Variants in PKNOX2 observed in about 807,000 individuals in gnomAD.
PKNOX2 encodes PBX/knotted 1 homeobox 2.
A neutral mutation model predicts 53.1 loss-of-function variants in PKNOX2; 14 were observed. That is an observed-to-expected ratio of 0.26 (90% CI 0.17 to 0.41). The LOEUF is 0.41. Ranked by LOEUF, PKNOX2 falls within the 10% of genes least tolerant of loss-of-function variation. PKNOX2 has a pLI of 1.00. For missense variants in PKNOX2, 496 were observed against 602.8 expected, an observed-to-expected ratio of 0.82 and a Z score of 1.85; for synonymous variants, 257 against 242.8, an observed-to-expected ratio of 1.06 and a Z score of -0.54.
At chr11:125,375,444 A>G (rs1952779116) in intron 5 of PKNOX2, among the ~76,000 whole-genome samples, 2 of 152,210 alleles carry the variant, frequency 1.3e-5, no homozygotes. Context: ...AACTGCTCAC[A>G]AGTAGTACAT....
intron 4 of PKNOX2, among the ~76,000 whole-genome samples, chr11:125,366,443 A>G (rs1305821755): frequency 6.6e-6 from 1 of 152,238 alleles, no homozygotes; most frequent in Non-Finnish European, 1.5e-5. Flanking sequence ...ACAAATATTT[A>G]TTGAACACCT....
chr11:125,339,921 A>G (rs567393555), intron 3 of PKNOX2, among the ~76,000 whole-genome samples: 1 of 152,274 alleles, frequency 6.6e-6, no homozygotes, highest in South Asian at 2.1e-4. Context: ...ACACAGTCCA[A>G]TGAGTCCACG....
chr11:125,309,040 C>G (rs1316646093), intron 2 of PKNOX2, among the ~76,000 whole-genome samples: 1 of 152,208 alleles, frequency 6.6e-6, no homozygotes, highest in Non-Finnish European at 1.5e-5. Context: ...ACACGCTCCT[C>G]CTGTGTGGTC....
At chr11:125,417,863 C>T (rs974559352) in intron 10 of PKNOX2, among the ~76,000 whole-genome samples, 5 of 152,020 alleles carry the variant, frequency 3.3e-5, no homozygotes, top group African/African-American at 1.2e-4. Flanking sequence ...CTCTGCCATC[C>T]ACCACCCCAT....
intron 2 of PKNOX2, among the ~76,000 whole-genome samples, chr11:125,276,577 G>T (rs970156146): frequency 6.6e-6 from 1 of 152,178 alleles, no homozygotes; most frequent in Middle Eastern, 3.2e-3. Context: ...ACACAATAAA[G>T]GGCTTGTTGA....
chr11:125,238,662 T>C (rs929489211), intron 2 of PKNOX2, among the ~76,000 whole-genome samples: 2 of 152,326 alleles, frequency 1.3e-5, no homozygotes, highest in African/African-American at 4.8e-5. Context: ...GGGAACTTGC[T>C]TAGTTATATC....
chr11:125,176,874 C>T (rs1565461890), intron 1 of PKNOX2, among the ~76,000 whole-genome samples: 1 of 152,210 alleles, frequency 6.6e-6, no homozygotes, highest in Admixed American at 6.5e-5. Flanking sequence ...TTCCCACATC[C>T]CCTGTCCCCC....
Position 125,166,482 on chromosome 11 carries a change from A to G in PKNOX2, c.-201+1706A>G, listed in dbSNP as rs1358799710. ...GACCTTCTGGGCGAAGCGGCAGGGC[A>G]GCCTCGCGGGGCTGGGAGTGGATCT... On this transcript the variant is annotated intron_variant, in intron 1 of 12. Coordinates refer to ENST00000298282, the MANE Select transcript of PKNOX2 (RefSeq NM_001382323.2). The surrounding 1 kb of genome is among the most constrained non-coding windows in gnomAD (Gnocchi z 4.0). 2.6e-5 allele frequency among the ~76,000 whole-genome samples: 4 copies of G among 152,196 alleles called. No individual in the cohort carries two copies. Among genetic ancestry groups the G allele is most frequent in the Admixed American group, 6.5e-5 (1 of 15,288 alleles).
intron 2 of PKNOX2, among the ~76,000 whole-genome samples, chr11:125,292,513 T>A (rs2135915751): frequency 6.6e-6 from 1 of 152,294 alleles, no homozygotes; most frequent in East Asian, 1.9e-4. Context: ...GGAATTAATG[T>A]TGATTCTGGG....
At chr11:125,213,190 G>T (rs376837839) in intron 1 of PKNOX2, among the ~76,000 whole-genome samples, 1 of 152,086 alleles carries the variant, frequency 6.6e-6, no homozygotes, top group South Asian at 2.1e-4. Flanking sequence ...GCGTCCCTTT[G>T]TGTCTAAGCC....
At position 125,398,042 on chromosome 11, in the gene PKNOX2, T is replaced by G. The variant is rs751784021; in HGVS notation, c.568T>G (p.Ser190Ala). 3 of 1,611,714 alleles carry G rather than the reference T, an allele frequency of 1.9e-6. No homozygotes were observed. Among genetic ancestry groups the G allele is most frequent in the African/African-American group, 2.7e-5 (2 of 74,846 alleles). Residue 190 changes from serine (S) to alanine (A), a missense_variant, in exon 7 of 13, where the codon TCC becomes GCC. Around this residue, in one of 5 missense-constraint regions of PKNOX2, gnomAD observed 141 missense variants for 143.9 expected, o/e 0.98. Coordinates refer to ENST00000298282, the MANE Select transcript of PKNOX2 (RefSeq NM_001382323.2). The stretch of plus-strand genomic sequence containing the variant: ...GGGGCCCTACTCCCCCAACCAGCCC[T>G]CCATCAACCTTCACTCACAGGTAAC... ...LGGPYSPNQP[S>A]INLHSQDLLQ...
chr11:125,203,651 G>A (rs1351546174), intron 1 of PKNOX2, among the ~76,000 whole-genome samples: 3 of 152,184 alleles, frequency 2.0e-5, no homozygotes, highest in African/African-American at 7.2e-5. Context: ...AAACCCAAAT[G>A]TGCTCTCTCT....
chr11:125,329,348 T>C lies in PKNOX2; in HGVS notation c.-129-2471T>C, dbSNP rs150820865. On this transcript the variant is annotated intron_variant, in intron 2 of 12. Coordinates refer to ENST00000298282, the MANE Select transcript of PKNOX2 (RefSeq NM_001382323.2). ...GCTACTAACTTAACATTTTTCCTCTTATTTGTCTATTTTTTACAAGAAGCA... is the reference window on the plus strand; with the variant it reads ...GCTACTAACTTAACATTTTTCCTCTCATTTGTCTATTTTTTACAAGAAGCA... 2.1e-3 allele frequency among the ~76,000 whole-genome samples: 317 copies of C among 152,330 alleles called. 2 individuals carry two copies. The highest frequency in any genetic ancestry group is 7.3e-3 in the African/African-American group (305 of 41,560).
intron 2 of PKNOX2, among the ~76,000 whole-genome samples, chr11:125,305,383 GACC>G (rs1948367875): frequency 6.6e-6 from 1 of 152,184 alleles, no homozygotes; most frequent in Non-Finnish European, 1.5e-5. Context: ...CTCTCAGCAA[GACC>G]ACAAGTGGCT....
At chr11:125,340,654 A>G (rs1950635433) in intron 3 of PKNOX2, among the ~76,000 whole-genome samples, 2 of 152,220 alleles carry the variant, frequency 1.3e-5, no homozygotes, top group South Asian at 4.1e-4. Context: ...TCTCACCCAC[A>G]TCCAAATTGG....
intron 2 of PKNOX2, among the ~76,000 whole-genome samples, chr11:125,305,476 C>G (rs1001321727): frequency 1.1e-4 from 17 of 152,180 alleles, no homozygotes; most frequent in African/African-American, 3.4e-4. Context: ...TCCAGCACCC[C>G]CTACCTGCCC....
intron 2 of PKNOX2, among the ~76,000 whole-genome samples, chr11:125,315,318 A>AAACAAAAAAAAAAAAAAC (rs1212141307): frequency 6.6e-6 from 1 of 151,370 alleles, no homozygotes; most frequent in African/African-American, 2.4e-5. Context: ...AAAAAAAAAA[A>AAACAAAAAAAAAAAAAAC]AAAAAAAAAA....
intron 1 of PKNOX2, among the ~76,000 whole-genome samples, chr11:125,173,539 T>TCTC (rs1251703779): frequency 6.6e-6 from 1 of 152,218 alleles, no homozygotes; most frequent in African/African-American, 2.4e-5. Flanking sequence ...GCTAAACTCA[T>TCTC]CTCCTCCATT....
Position 125,422,902 on chromosome 11 carries a change from CTG to C in PKNOX2, c.937-6107_937-6106del, listed in dbSNP as rs1399421817. On this transcript the variant is annotated intron_variant, in intron 10 of 12. Transcript: ENST00000298282. The surrounding 1 kb of genome is among the most constrained non-coding windows in gnomAD (Gnocchi z 4.1). The stretch of plus-strand genomic sequence containing the variant: ...CTCCTGCCATCTGCCAGGAAACAAC[CTG>C]TGGCTTCTTCAGAGACACAGCCACA... Among the ~76,000 whole-genome samples, 1 of 152,164 alleles carries C rather than the reference CTG, an allele frequency of 6.6e-6. No homozygotes were observed. The highest frequency in any genetic ancestry group is 6.5e-5 in the Admixed American group (1 of 15,278).
Sources: allele counts gnomAD v4.1 joint callset (sites outside exome capture counted in the v4.1 genomes callset), GRCh38; gene constraint gnomAD v4.1.1; regional missense constraint gnomAD v4.1.1; non-coding constraint Gnocchi (gnomAD v3.1); transcripts MANE v1.5; gene names NCBI Gene and HGNC (gene_info 2026-07-23, HGNC 2026-07-21).